USP34: variants seen among roughly 807,000 people sequenced by gnomAD.
USP34 encodes the protein ubiquitin carboxyl-terminal hydrolase 34.
USP34 carries 70 observed loss-of-function variants against 460.3 expected under a neutral mutation model. The observed-to-expected ratio is 0.15, with a 90% CI of 0.13 to 0.19. The LOEUF (loss-of-function observed/expected upper bound fraction) is 0.19, where lower values mean the gene tolerates loss of function less well. USP34 is among the 10% of genes least tolerant of loss of function. The pLI, the probability that USP34 is intolerant of heterozygous loss-of-function variation, is 1.00. For missense variants in USP34, 3,985 were observed against 4,236.2 expected, an observed-to-expected ratio of 0.94 and a Z score of 1.65; for synonymous variants, 1,647 against 1,405.3, an observed-to-expected ratio of 1.17 and a Z score of -3.85.
intron 50 of USP34, among the ~76,000 whole-genome samples, chr2:61,246,121 G>A (rs1688410920): frequency 6.6e-6 from 1 of 152,150 alleles, no homozygotes; most frequent in African/African-American, 2.4e-5. Flanking sequence ...TTTCTCCAAG[G>A]AAAGGATTCA....
chr2:61,237,533 G>C (rs1261849076), intron 53 of USP34, among the ~76,000 whole-genome samples: 1 of 113,614 alleles, frequency 8.8e-6, no homozygotes, highest in East Asian at 2.5e-4. Context: ...ATCTATGTAT[G>C]TGTATAGCTA....
chr2:61,345,461 A>G (rs1050408969), intron 15 of USP34, among the ~76,000 whole-genome samples: 4 of 152,210 alleles, frequency 2.6e-5, no homozygotes, highest in Non-Finnish European at 4.4e-5. Context: ...TGTCGAGTAT[A>G]GCAAAACTCA....
chr2:61,204,182 C>A, intron 74 of USP34, 74 bp downstream of exon 74: 1 of 1,596,110 alleles, frequency 6.3e-7, no homozygotes, highest in Non-Finnish European at 8.5e-7. Context: ...CTAACCTATT[C>A]ATAACTGCCA....
intron 20 of USP34, among the ~76,000 whole-genome samples, chr2:61,327,106 C>T (rs1691120291): frequency 6.6e-6 from 1 of 151,998 alleles, no homozygotes; most frequent in South Asian, 2.1e-4. Flanking sequence ...AATTCAATGT[C>T]CTGTAATCCA....
chr2:61,394,049 A>G (rs1466217445), intron 5 of USP34, among the ~76,000 whole-genome samples: 1 of 152,076 alleles, frequency 6.6e-6, no homozygotes, highest in African/African-American at 2.4e-5. Flanking sequence ...TGAACCCAGG[A>G]GGCGGAGGGT....
rs139592376 is a variant in USP34, at chr2:61,291,739, T to C, written c.4548+1725A>G. On this transcript the variant is annotated intron_variant, in intron 33 of 79. Transcript: ENST00000398571. ...ATACCACTTAAGTATTGGCAAGGTA[T>C]ACCACTCCTAAGCATATGCCAAAAA... 1.3e-3 allele frequency among the ~76,000 whole-genome samples: 199 copies of C among 152,294 alleles called. 1 individual carries two copies. Among genetic ancestry groups the C allele is most frequent in the South Asian group, 8.5e-3 (41 of 4,828 alleles).
chr2:61,236,068 G>A lies in USP34; in HGVS notation c.6924C>T (p.Ser2308=), dbSNP rs1304974684. 3 of 1,605,438 alleles carry A rather than the reference G, an allele frequency of 1.9e-6. No individual in the cohort carries two copies. Among genetic ancestry groups the A allele is most frequent in the South Asian group, 1.1e-5 (1 of 88,666 alleles). The part of the protein sequence containing the change: ...KAVSLMTAKL[S]TSFVLETFIH... ...TAAATGTCTCTAGGACAAAGGAAGT[G>A]CTTAACTGTAAGAAAAGATAAAGCA... Residue 2308 remains serine, a synonymous_variant, in exon 56 of 80, where the codon AGC becomes AGT. Coordinates refer to ENST00000398571, the MANE Select transcript of USP34 (RefSeq NM_014709.4).
At chr2:61,222,815 G>A in intron 64 of USP34, 152 bp from the exon 65 acceptor site, 1 of 747,590 alleles carries the variant, frequency 1.3e-6, no homozygotes, top group Non-Finnish European at 2.2e-6. Flanking sequence ...TCCTGCCTCA[G>A]CCTCCGAGTG....
rs542992126 is a variant in USP34 at position 61,286,217 on chromosome 2, C to T, written c.4750-1260G>A. On this transcript the variant is annotated intron_variant, in intron 34 of 79. Coordinates refer to ENST00000398571, the MANE Select transcript of USP34 (RefSeq NM_014709.4). ...TTCTTCCTTACTACCTACAGTATAT[C>T]AACATTAGATGACTCTGTCTTCAGT... is the stretch of plus-strand genomic sequence containing the variant. Among the ~76,000 whole-genome samples, 3 of 152,246 alleles carry T rather than the reference C, an allele frequency of 2.0e-5. No individual in the cohort carries two copies. The South Asian group carries it at 6.2e-4, about 32-fold the overall frequency.
chr2:61,326,732 G>A (rs954599321), intron 20 of USP34, among the ~76,000 whole-genome samples: 1 of 150,686 alleles, frequency 6.6e-6, no homozygotes, highest in African/African-American at 2.4e-5. Context: ...ACAGTGGCTG[G>A]TCTATGCTCT....
At chr2:61,246,211 T>G in intron 50 of USP34, 113 bp downstream of exon 50, 1 of 772,294 alleles carries the variant, frequency 1.3e-6, no homozygotes, top group Non-Finnish European at 1.8e-6. Flanking sequence ...TTTAAAAATT[T>G]TGTCTGCCTC....
intron 68 of USP34, among the ~76,000 whole-genome samples, chr2:61,212,652 A>G (rs1302751707): frequency 1.3e-5 from 2 of 152,220 alleles, no homozygotes; most frequent in Non-Finnish European, 2.9e-5. Context: ...TTGTCAATGA[A>G]CTGAAACCCC....
At chr2:61,335,356 T>C (rs1180367880) in intron 18 of USP34, among the ~76,000 whole-genome samples, 1 of 152,218 alleles carries the variant, frequency 6.6e-6, no homozygotes, top group Non-Finnish European at 1.5e-5. Flanking sequence ...TAGTCAAACT[T>C]ACATTTCACA....
intron 1 of USP34, among the ~76,000 whole-genome samples, chr2:61,432,919 GAAC>G (rs764768302): frequency 6.6e-6 from 1 of 151,940 alleles, no homozygotes; most frequent in Non-Finnish European, 1.5e-5. Context: ...GAAAATAAGA[GAAC>G]AATAAAACAG....
Position 61,241,664 on chromosome 2 carries a change from G to C in USP34, c.6682-9C>G, listed in dbSNP as rs766758364. ...ATATATGCACTGTGTGTCTTTAAGA[G>C]GCAAGAAAAAAATTTATTTTCATTT... On this transcript the variant is annotated splice_polypyrimidine_tract_variant and intron_variant, in intron 52 of 79. Transcript: ENST00000398571. The C allele has an allele frequency of 1.9e-6, 3 of 1,557,508 alleles. No homozygotes were observed. Among genetic ancestry groups the C allele is most frequent in the South Asian group, 1.2e-5 (1 of 81,290 alleles).
At chr2:61,364,802 C>T (rs1398591123) in intron 10 of USP34, among the ~76,000 whole-genome samples, 1 of 151,800 alleles carries the variant, frequency 6.6e-6, no homozygotes, top group African/African-American at 2.4e-5. Context: ...GTGGTGCGCA[C>T]GTCTGTAATC....
In USP34 at chr2:61,241,674, A is replaced by C; in HGVS notation, c.6682-19T>G. ...TGTGTGTCTTTAAGAGGCAAGAAAA[A>C]AATTTATTTTCATTTTGACAAAGTA... On this transcript the variant is annotated intron_variant, in intron 52 of 79. Coordinates refer to ENST00000398571, the MANE Select transcript of USP34 (RefSeq NM_014709.4). The C allele has an allele frequency of 1.3e-6, 2 of 1,568,134 alleles. No individual in the cohort carries two copies. The highest frequency in any genetic ancestry group is 8.6e-7 in the Non-Finnish European group (1 of 1,160,930).
chr2:61,274,676 T>C (rs1306835031), intron 41 of USP34, among the ~76,000 whole-genome samples: 1 of 152,186 alleles, frequency 6.6e-6, no homozygotes, highest in African/African-American at 2.4e-5. Context: ...CCTATCAGAC[T>C]GGTAGAAATT....
In USP34 at chr2:61,423,688, G is replaced by A. The variant is rs757714941; in HGVS notation, c.44-2855C>T. Among the ~76,000 whole-genome samples the A allele has an allele frequency of 3.3e-5, 5 of 152,148 alleles. 1 individual carries two copies. In the South Asian group the frequency reaches 6.2e-4, roughly 19 times the overall value. On this transcript the variant is annotated intron_variant, in intron 1 of 79. Coordinates refer to ENST00000398571, the MANE Select transcript of USP34 (RefSeq NM_014709.4). ...GTGAGGCCCAACAGCTCACACCTCC[G>A]ATCCTAGTGCTTTGGTAGGTTGAGG...
Sources: gnomAD v4.1 joint callset for allele counts (sites outside exome capture counted in the v4.1 genomes callset) on GRCh38, gnomAD v4.1.1 for gene constraint, MANE v1.5 for transcripts, NCBI Gene and HGNC (gene_info 2026-07-23, HGNC 2026-07-21) for gene names.